The following STAC variants were observed in gnomAD, a reference collection of about 807,000 sequenced individuals.
STAC encodes the protein SH3 and cysteine rich domain, also known as SH3 and cysteine-rich domain-containing protein.
A neutral mutation model predicts 48.8 loss-of-function variants in STAC; 43 were observed. That is an observed-to-expected ratio of 0.88 (90% CI 0.69 to 1.14). STAC has a LOEUF of 1.14. STAC is among the 50% of genes most tolerant of loss of function. The pLI, the probability that STAC is intolerant of heterozygous loss-of-function variation, is 0.00. For synonymous variants in STAC, 193 were observed against 179.5 expected, an observed-to-expected ratio of 1.07 and a Z score of -0.60; for missense variants, 497 against 504.0, an observed-to-expected ratio of 0.99 and a Z score of 0.13.
At chr3:36,454,594 C>T (rs939080257) in intron 2 of STAC, among the ~76,000 whole-genome samples, 1 of 152,206 alleles carries the variant, frequency 6.6e-6, no homozygotes, top group Non-Finnish European at 1.5e-5. Context: ...TATCTCCCCT[C>T]TCCACTCCAT....
chr3:36,492,005 GAAAAAA>G (rs1178508885), intron 5 of STAC, among the ~76,000 whole-genome samples: 15 of 6,420 alleles, frequency 2.3e-3, no homozygotes, highest in Non-Finnish European at 3.2e-3. Context: ...TCCATCTCAA[GAAAAAA>G]AAAAAAAAAA....
intron 1 of STAC, among the ~76,000 whole-genome samples, chr3:36,402,929 C>T (rs76434112): frequency 0.018 from 2,746 of 152,228 alleles, 49 homozygotes; most frequent in Non-Finnish European, 0.025. Flanking sequence ...TAGTTATTCA[C>T]CCTTAAATAT....
intron 8 of STAC, among the ~76,000 whole-genome samples, chr3:36,512,294 G>A (rs1226652918): frequency 6.6e-6 from 1 of 152,158 alleles, no homozygotes; most frequent in Non-Finnish European, 1.5e-5. Context: ...AGCCCTGTGA[G>A]CCAGAGCAGA....
chr3:36,529,205 G>A (rs1346483013), intron 10 of STAC: 5 of 345,390 alleles, frequency 1.4e-5, no homozygotes, highest in African/African-American at 2.1e-5. Flanking sequence ...TAAACGAAAC[G>A]TGATAGTGGC....
At chr3:36,416,529 A>T (rs2125640112) in intron 1 of STAC, among the ~76,000 whole-genome samples, 1 of 152,286 alleles carries the variant, frequency 6.6e-6, no homozygotes, top group African/African-American at 2.4e-5. Context: ...TCATCTGCAC[A>T]AAGTTATCCT....
intron 2 of STAC, among the ~76,000 whole-genome samples, chr3:36,456,621 C>T (rs1696864171): frequency 6.6e-6 from 1 of 152,096 alleles, no homozygotes. Context: ...GCCCAGATGC[C>T]TTCTTGGTGC....
intron 8 of STAC, among the ~76,000 whole-genome samples, chr3:36,516,221 A>C (rs941644260): frequency 6.6e-6 from 1 of 151,598 alleles, no homozygotes; most frequent in Non-Finnish European, 1.5e-5. Context: ...TGACCTCGTG[A>C]TCCTCCCGTC....
intron 10 of STAC, among the ~76,000 whole-genome samples, chr3:36,532,920 C>T (rs1301925132): frequency 6.6e-6 from 1 of 152,130 alleles, no homozygotes; most frequent in Non-Finnish European, 1.5e-5. Flanking sequence ...AAAGTTTATA[C>T]ACATGCCCTG....
At chr3:36,380,936 G>A (rs1699497269) in intron 1 of STAC, among the ~76,000 whole-genome samples, 182 bp downstream of exon 1, 1 of 119,804 alleles carries the variant, frequency 8.3e-6, no homozygotes, top group African/African-American at 2.6e-5. Flanking sequence ...ACGTCCCTGT[G>A]GACCCAGCCT....
intron 5 of STAC, among the ~76,000 whole-genome samples, chr3:36,486,674 TTCTC>T (rs1417801451): frequency 2.0e-5 from 3 of 152,200 alleles, no homozygotes; most frequent in South Asian, 4.1e-4. Context: ...CTTTTGTCTT[TTCTC>T]TCTAAGAGAG....
In STAC at chr3:36,398,328, A is replaced by AAAGC. The variant is rs1276903591; in HGVS notation, c.111+17577_111+17578insCAAG. 1.6e-4 allele frequency among the ~76,000 whole-genome samples: 19 copies of AAAGC among 115,658 alleles called. No individual in the cohort carries two copies. The East Asian group carries it at 2.8e-3, about 17-fold the overall frequency. 75.9% of individuals were successfully genotyped at this position (115,658 alleles called of 152,430 possible). A position where few individuals can be genotyped will look rare whatever the true frequency, so the allele number is the denominator to read the frequency against. ...GAAAGAAAGAAAGAAAGCAAGAAAG[A>AAAGC]AAGAAAGAAAGAAAGAAAGAAAGAA... is the stretch of plus-strand genomic sequence containing the variant. On this transcript the variant is annotated intron_variant, in intron 1 of 10. Transcript: ENST00000273183.
At chr3:36,394,815 T>A (rs990338301) in intron 1 of STAC, among the ~76,000 whole-genome samples, 6 of 151,856 alleles carry the variant, frequency 4.0e-5, no homozygotes, top group Non-Finnish European at 1.5e-5. Context: ...GAGAATCGCT[T>A]GAACCTGGGA....
At chr3:36,399,360 A>T (rs1474290277) in intron 1 of STAC, among the ~76,000 whole-genome samples, 2 of 152,230 alleles carry the variant, frequency 1.3e-5, no homozygotes, top group African/African-American at 4.8e-5. Context: ...ATTTTATTAC[A>T]ATTTTTGCTT....
chr3:36,484,991 G>T lies in STAC; in HGVS notation c.504G>T (p.Arg168=). The change falls in exon 4 of 11, where the codon CGG becomes CGT. Residue 168 remains arginine, a synonymous_variant. Coordinates refer to ENST00000273183, the MANE Select transcript of STAC (RefSeq NM_003149.3). ...RCMGKLPKGF[R]RYYSSPLLIH... is the part of the protein sequence containing the mutation. ...TCTCTCTCCAGCCAAAGGGGTTTCG[G>T]CGTTACTACAGCTCCCCCTTGCTCA... The T allele has an allele frequency of 6.2e-7, 1 of 1,601,514 alleles. No individual in the cohort carries two copies. Among genetic ancestry groups the T allele is most frequent in the South Asian group, 1.1e-5 (1 of 88,706 alleles).
At chr3:36,498,532 T>C (rs527714969) in intron 6 of STAC, among the ~76,000 whole-genome samples, 9 of 152,270 alleles carry the variant, frequency 5.9e-5, no homozygotes, top group African/African-American at 2.2e-4. Flanking sequence ...GATAGGAGAA[T>C]TGCTTGAGCC....
At chr3:36,429,224 A>T (rs1287647409) in intron 1 of STAC, among the ~76,000 whole-genome samples, 1 of 152,158 alleles carries the variant, frequency 6.6e-6, no homozygotes, top group African/African-American at 2.4e-5. Flanking sequence ...TGAGGAAGTA[A>T]GCTGGAGGAC....
intron 1 of STAC, among the ~76,000 whole-genome samples, chr3:36,415,165 G>A (rs537392512): frequency 6.0e-4 from 92 of 152,294 alleles, no homozygotes; most frequent in African/African-American, 1.9e-3. Flanking sequence ...CTCAAGCTGC[G>A]TACTGGGAGA....
intron 6 of STAC, among the ~76,000 whole-genome samples, chr3:36,494,049 G>A (rs1350227452): frequency 6.6e-6 from 1 of 151,242 alleles, no homozygotes; most frequent in Non-Finnish European, 1.5e-5. Flanking sequence ...CTACTCGGGA[G>A]GCTGAGGCAG....
intron 8 of STAC, among the ~76,000 whole-genome samples, chr3:36,519,196 A>T (rs1204909795): frequency 6.6e-6 from 1 of 152,242 alleles, no homozygotes; most frequent in Admixed American, 6.5e-5. Flanking sequence ...CATTACAAAA[A>T]GAGGTGGTGA....
Sources: gnomAD v4.1 joint callset for allele counts (sites outside exome capture counted in the v4.1 genomes callset) on GRCh38, gnomAD v4.1.1 for gene constraint, MANE v1.5 for transcripts, NCBI Gene and HGNC (gene_info 2026-07-23, HGNC 2026-07-21) for gene names.